The following GLG1 variants were observed in gnomAD, a reference collection of about 807,000 sequenced individuals.
GLG1 encodes the protein Golgi apparatus protein 1.
Under a neutral mutation model 160.5 loss-of-function variants are expected in GLG1, and 38 were observed. The ratio of observed to expected loss-of-function variants is 0.24; its 90% CI spans 0.18 to 0.31. The LOEUF is 0.31. Ranked by LOEUF, GLG1 falls within the 10% of genes least tolerant of loss-of-function variation. The pLI is 1.00. For synonymous variants in GLG1, 644 were observed against 543.4 expected (o/e 1.19, Z -2.57); for missense variants, 1,373 against 1,505.2 (o/e 0.91, Z 1.45).
intron 12 of GLG1, among the ~76,000 whole-genome samples, chr16:74,476,184 T>TAAA (rs879723401): frequency 2.2e-5 from 3 of 138,316 alleles, no homozygotes; most frequent in Non-Finnish European, 4.8e-5. Flanking sequence ...TGTCTCAAAA[T>TAAA]AAAAAAAAAA....
At position 74,459,642 on chromosome 16, in the gene GLG1, A is replaced by T. The variant is rs1293977659; in HGVS notation, c.3144+40T>A. On this transcript the variant is annotated intron_variant, in intron 23 of 25. Coordinates refer to ENST00000422840, the MANE Select transcript of GLG1 (RefSeq NM_001145667.2). ...TTAAAAGGAAGAAGAGAAAAAAAAA[A>T]AAAGAAATGAAGTGAGGAAAAGAAG... 2.8e-6 allele frequency: 3 copies of T among 1,067,180 alleles called. No individual in the cohort carries two copies. The South Asian group carries it at 4.1e-5, about 15-fold the overall frequency. 66.1% of individuals were successfully genotyped at this position (1,067,180 alleles called of 1,614,324 possible). A position where few individuals can be genotyped will look rare whatever the true frequency, so the allele number is the denominator to read the frequency against.
chr16:74,575,883 C>G (rs1217009753), intron 1 of GLG1, among the ~76,000 whole-genome samples: 2 of 152,062 alleles, frequency 1.3e-5, no homozygotes, highest in Non-Finnish European at 2.9e-5. Flanking sequence ...ACAGTGTGCT[C>G]TCATGCTCTC....
At chr16:74,475,334 T>G (rs1285976885) in intron 12 of GLG1, among the ~76,000 whole-genome samples, 1 of 152,214 alleles carries the variant, frequency 6.6e-6, no homozygotes, top group Non-Finnish European at 1.5e-5. Flanking sequence ...ATATGCACTT[T>G]AATAATGATC....
chr16:74,465,011 G>A (rs1309845685), intron 19 of GLG1, among the ~76,000 whole-genome samples: 1 of 152,070 alleles, frequency 6.6e-6, no homozygotes, highest in African/African-American at 2.4e-5. Flanking sequence ...GCTAATTTTT[G>A]TATTTTTAGT....
rs146985821 is a variant in GLG1, at chr16:74,474,397, T to C, written c.2052+149A>G. 1.9e-4 allele frequency: 118 copies of C among 627,640 alleles called. No homozygotes were observed. The African/African-American group carries it at 2.0e-3, about 10-fold the overall frequency. 38.9% of individuals were successfully genotyped at this position (627,640 alleles called of 1,614,324 possible). A position where few individuals can be genotyped will look rare whatever the true frequency, so the allele number is the denominator to read the frequency against. On this transcript the variant is annotated intron_variant, in intron 13 of 25. Transcript: ENST00000422840. ...CACAAAGCAACACAATATACTTCTTTATAAAGCAAACATGGAAAATTTGAT... is the reference window on the plus strand; with the variant it reads ...CACAAAGCAACACAATATACTTCTTCATAAAGCAAACATGGAAAATTTGAT...
chr16:74,589,256 C>CA (rs11311925), intron 1 of GLG1, among the ~76,000 whole-genome samples: 32 of 140,640 alleles, frequency 2.3e-4, no homozygotes, highest in Non-Finnish European at 2.7e-4. Context: ...CTCTCTGTCT[C>CA]AAAAAAAAAA....
At chr16:74,565,201 C>T (rs548124477) in intron 1 of GLG1, among the ~76,000 whole-genome samples, 6 of 152,144 alleles carry the variant, frequency 3.9e-5, no homozygotes, top group East Asian at 1.9e-4. Flanking sequence ...CAGTAGCACA[C>T]GCCTATAATC....
chr16:74,469,089 G>A, intron 16 of GLG1, 26 bp from the exon 17 acceptor site: 2 of 1,525,050 alleles, frequency 1.3e-6, no homozygotes, highest in Non-Finnish European at 1.8e-6. Context: ...GCTTGAGGCT[G>A]GCTGGGGCCA....
At chr16:74,570,753 T>C (rs1008828621) in intron 1 of GLG1, among the ~76,000 whole-genome samples, 6 of 152,080 alleles carry the variant, frequency 3.9e-5, no homozygotes, top group Admixed American at 1.3e-4. Flanking sequence ...CCAGGTGTGG[T>C]GGCACACGCC....
intron 2 of GLG1, among the ~76,000 whole-genome samples, chr16:74,514,077 C>A (rs192663699): frequency 6.6e-6 from 1 of 152,036 alleles, no homozygotes; most frequent in East Asian, 1.9e-4. Flanking sequence ...AGCCAGAAGA[C>A]AAGATTAGAT....
intron 1 of GLG1, among the ~76,000 whole-genome samples, chr16:74,542,048 G>A (rs2017883810): frequency 6.9e-6 from 1 of 144,360 alleles, no homozygotes; most frequent in Non-Finnish European, 1.5e-5. Flanking sequence ...TGGTGGCAGG[G>A]AGGAAATATA....
chr16:74,491,255 G>A (rs1343140076), intron 7 of GLG1, 40 bp from the exon 8 acceptor site: 1 of 1,377,816 alleles, frequency 7.3e-7, no homozygotes, highest in African/African-American at 1.4e-5. Context: ...GAAGGGTGAT[G>A]CTATGTATTA....
At chr16:74,517,002 G>A (rs1019361688) in intron 2 of GLG1, among the ~76,000 whole-genome samples, 1 of 152,120 alleles carries the variant, frequency 6.6e-6, no homozygotes, top group Admixed American at 6.5e-5. Flanking sequence ...GACTAAACCA[G>A]GAAGAAGTTG....
Position 74,543,894 on chromosome 16 carries a change from A to G in GLG1, c.439-11741T>C, listed in dbSNP as rs1209028755. On this transcript the variant is annotated intron_variant, in intron 1 of 25. Transcript: ENST00000422840. The stretch of plus-strand genomic sequence containing the variant: ...AATTCTAATTCCCTGTGCTTCAGTG[A>G]GAATAGGGGGGAGATGGGATAAAAA... 5.3e-5 allele frequency among the ~76,000 whole-genome samples: 8 copies of G among 152,074 alleles called. No homozygotes were observed. In the East Asian group the frequency reaches 1.5e-3, roughly 29 times the overall value.
chr16:74,555,623 A>T (rs2018330558), intron 1 of GLG1, among the ~76,000 whole-genome samples: 1 of 152,030 alleles, frequency 6.6e-6, no homozygotes, highest in African/African-American at 2.4e-5. Context: ...CAGGAATTCA[A>T]GGCTACAGTG....
At chr16:74,595,883 G>C (rs567906675) in intron 1 of GLG1, among the ~76,000 whole-genome samples, 14 of 152,264 alleles carry the variant, frequency 9.2e-5, no homozygotes, top group Non-Finnish European at 1.0e-4. Flanking sequence ...CAGCACTTTG[G>C]GAGGCCAAGG....
At chr16:74,546,759 A>T (rs1214397664) in intron 1 of GLG1, among the ~76,000 whole-genome samples, 22 of 140,292 alleles carry the variant, frequency 1.6e-4, no homozygotes, top group Non-Finnish European at 6.1e-5. Context: ...AATCACTTGA[A>T]CCTGGGAAGC....
rs1188620150 is a variant in GLG1, at chr16:74,606,898, A to T, written c.197T>A (p.Leu66Gln). ...CTGCTGAAGCTGCGATGACTGAGGC[A>T]GCTGGGGCAGCTGCTGACCCGCCGG... ...GGPAGQQLPQ[L>Q]PQSSQLQQQQ... The change falls in exon 1 of 26, where the codon CTG becomes CAG. Residue 66 changes from leucine to glutamine, a missense_variant. Physicochemically the swap from Leu to Gln is moderately radical, Grantham distance 113 (BLOSUM62 -2). Around this residue, in one of 4 missense-constraint regions of GLG1, gnomAD observed 322 missense variants for 254.6 expected, o/e 1.26. Transcript: ENST00000422840. 2 of 1,603,732 alleles carry T rather than the reference A, an allele frequency of 1.2e-6. No homozygotes were observed. Among genetic ancestry groups the T allele is most frequent in the Non-Finnish European group, 1.7e-6 (2 of 1,176,828 alleles).
At chr16:74,532,255 A>G in intron 1 of GLG1, 102 bp from the exon 2 acceptor site, 1 of 394,032 alleles carries the variant, frequency 2.5e-6, no homozygotes, top group South Asian at 9.3e-5. Context: ...ATAAACTCAA[A>G]ACAAGAAATC....
Sources: gnomAD v4.1 joint callset for allele counts (sites outside exome capture counted in the v4.1 genomes callset) on GRCh38, gnomAD v4.1.1 for gene constraint, gnomAD v4.1.1 regional missense constraint, MANE v1.5 for transcripts, NCBI Gene and HGNC (gene_info 2026-07-23, HGNC 2026-07-21) for gene names.